Variants in NRXN1 observed in about 807,000 individuals in gnomAD.
The protein encoded by NRXN1 is neurexin-1.
Under a neutral mutation model 150.9 loss-of-function variants are expected in NRXN1, and 39 were observed. The observed-to-expected ratio is 0.26, with a 90% CI of 0.20 to 0.34. The LOEUF is 0.34. NRXN1 is among the 10% of genes least tolerant of loss of function. NRXN1 has a pLI of 1.00. For missense variants in NRXN1, 1,815 were observed against 1,949.9 expected, an observed-to-expected ratio of 0.93 and a Z score of 1.30; for synonymous variants, 924 against 757.0, an observed-to-expected ratio of 1.22 and a Z score of -3.62.
chr2:50,096,182 C>T (rs1469832718), intron 18 of NRXN1, among the ~76,000 whole-genome samples: 7 of 152,028 alleles, frequency 4.6e-5, no homozygotes, highest in African/African-American at 1.7e-4. Flanking sequence ...ATCTACTTCA[C>T]CCCAAGTTGC....
chr2:50,986,879 A>C (rs906276530), intron 2 of NRXN1, among the ~76,000 whole-genome samples: 7 of 151,888 alleles, frequency 4.6e-5, no homozygotes, highest in Admixed American at 4.6e-4. Flanking sequence ...ATATATGTAT[A>C]TATGCGTAAA....
At chr2:50,637,509 C>T (rs565890090) in intron 5 of NRXN1, 2 of 152,338 alleles carry the variant, frequency 1.3e-5, no homozygotes, top group African/African-American at 2.4e-5. Flanking sequence ...ATGAGAAAGA[C>T]TTGAGGTAAC....
intron 2 of NRXN1, among the ~76,000 whole-genome samples, chr2:50,977,097 A>C (rs2104839940): frequency 6.6e-6 from 1 of 152,094 alleles, no homozygotes; most frequent in Admixed American, 6.6e-5. Context: ...TGACATAAAT[A>C]GTAATTTGTG....
intron 5 of NRXN1, among the ~76,000 whole-genome samples, chr2:50,759,486 T>A (rs977696270): frequency 5.3e-5 from 8 of 151,936 alleles, no homozygotes; most frequent in African/African-American, 1.9e-4. Context: ...CGCAAGTCAA[T>A]GAATCACTAT....
chr2:50,268,495 A>C (rs2069160036), intron 17 of NRXN1, among the ~76,000 whole-genome samples: 1 of 152,158 alleles, frequency 6.6e-6, no homozygotes, highest in African/African-American at 2.4e-5. Context: ...TTTACAAAGT[A>C]GCTGGGGAGT....
Position 51,028,836 on chromosome 2 carries a change from C to G in NRXN1, c.-563G>C, listed in dbSNP as rs62143025. 0.079 allele frequency: 12,051 copies of G among 152,414 alleles called. 537 individuals carry two copies. The highest frequency in any genetic ancestry group is 0.12 in the South Asian group (598 of 4,828). 9.4% of individuals were successfully genotyped at this position (152,414 alleles called of 1,614,324 possible). ...TGTCTCCTTCAGATGTGGTGTCTTA[C>G]AGCAGAACGGAGAAAGGGATGCTTG... On this transcript the variant is annotated 5_prime_UTR_variant, in exon 2 of 23. Coordinates refer to ENST00000401669, the MANE Select transcript of NRXN1 (RefSeq NM_001330078.2).
intron 21 of NRXN1, among the ~76,000 whole-genome samples, chr2:49,985,080 TA>T (rs2152512775): frequency 6.6e-6 from 1 of 152,308 alleles, no homozygotes; most frequent in Non-Finnish European, 1.5e-5. Flanking sequence ...TTGAGCTAGT[TA>T]GTTCAACTTC....
chr2:50,020,052 T>G (rs919546257), intron 21 of NRXN1, among the ~76,000 whole-genome samples: 10 of 151,212 alleles, frequency 6.6e-5, no homozygotes, highest in Admixed American at 2.0e-4. Flanking sequence ...AGTGCACTAT[T>G]GAAGCTCAGG....
chr2:50,960,690 A>G (rs974821905), intron 2 of NRXN1, among the ~76,000 whole-genome samples: 19 of 151,906 alleles, frequency 1.3e-4, no homozygotes, highest in South Asian at 6.2e-4. Flanking sequence ...TCTGCCAGAA[A>G]TGAGTGCTCA....
intron 2 of NRXN1, among the ~76,000 whole-genome samples, chr2:51,007,985 A>T (rs149483926): frequency 6.6e-6 from 1 of 152,096 alleles, no homozygotes; most frequent in East Asian, 1.9e-4. Flanking sequence ...CGAGAAGCAC[A>T]CAAATAATCA....
chr2:50,476,937 G>C (rs1328730496), intron 15 of NRXN1, among the ~76,000 whole-genome samples: 1 of 152,116 alleles, frequency 6.6e-6, no homozygotes, highest in East Asian at 1.9e-4. Context: ...GTCAGTTCCA[G>C]ACTAAACATG....
chr2:50,287,493 A>G (rs928164620), intron 17 of NRXN1, among the ~76,000 whole-genome samples: 2 of 152,078 alleles, frequency 1.3e-5, no homozygotes, highest in African/African-American at 4.8e-5. Context: ...TCTTCTTTAC[A>G]CTGCCCAGAG....
intron 17 of NRXN1, among the ~76,000 whole-genome samples, chr2:50,441,847 G>A (rs1277371882): frequency 6.6e-6 from 1 of 152,124 alleles, no homozygotes; most frequent in African/African-American, 2.4e-5. Context: ...TGATTTGGTG[G>A]TTTCCTGCCC....
In NRXN1 at chr2:50,562,329, C is replaced by CGATAGATAGATAGATAGATAGATA. The variant is rs70948719; in HGVS notation, c.1321-9328_1321-9305dup. Among the ~76,000 whole-genome samples, 16 of 150,010 alleles carry CGATAGATAGATAGATAGATAGATA rather than the reference C, an allele frequency of 1.1e-4. 1 individual carries two copies. The highest frequency in any genetic ancestry group is 3.7e-4 in the African/African-American group (15 of 40,746). On this transcript the variant is annotated intron_variant, in intron 8 of 22. Transcript: ENST00000401669. ...ATTAGACAAATATATGATAGATATA[C>CGATAGATAGATAGATAGATAGATA]GATAGATAGATAGATAGATAGATAG...
At chr2:50,351,008 T>C (rs546567501) in intron 17 of NRXN1, among the ~76,000 whole-genome samples, 1 of 152,300 alleles carries the variant, frequency 6.6e-6, no homozygotes, top group South Asian at 2.1e-4. Context: ...CAAGGAGCAA[T>C]TCTCTGTCTA....
chr2:50,826,462 G>C (rs1048944578), intron 5 of NRXN1, among the ~76,000 whole-genome samples: 2 of 152,114 alleles, frequency 1.3e-5, no homozygotes, highest in African/African-American at 2.4e-5. Context: ...TAGATGAAAA[G>C]ACTATTCTAG....
At chr2:50,777,679 A>G (rs1307729376) in intron 5 of NRXN1, among the ~76,000 whole-genome samples, 5 of 152,182 alleles carry the variant, frequency 3.3e-5, no homozygotes, top group Admixed American at 1.3e-4. Flanking sequence ...ATTGAGTAAA[A>G]TATAAAAGAA....
At chr2:50,954,353 A>G (rs967167176) in intron 2 of NRXN1, among the ~76,000 whole-genome samples, 14 of 152,188 alleles carry the variant, frequency 9.2e-5, no homozygotes, top group Non-Finnish European at 1.8e-4. Context: ...ATAAACTTCA[A>G]TTCTCAAGCT....
intron 21 of NRXN1, among the ~76,000 whole-genome samples, chr2:49,984,721 A>G (rs1680607167): frequency 7.1e-6 from 1 of 140,748 alleles, no homozygotes; most frequent in Non-Finnish European, 1.5e-5. Context: ...ACACACAAAC[A>G]CACACACACA....
Sources: gnomAD v4.1 joint callset for allele counts (sites outside exome capture counted in the v4.1 genomes callset) on GRCh38, gnomAD v4.1.1 for gene constraint, MANE v1.5 for transcripts, NCBI Gene and HGNC (gene_info 2026-07-23, HGNC 2026-07-21) for gene names.